ELOVL5: variants seen among roughly 807,000 people sequenced by gnomAD.
The protein encoded by ELOVL5 is very long chain fatty acid elongase 5.
In ELOVL5, 8 loss-of-function variants were observed where a neutral mutation model predicts 38.6. The ratio of observed to expected loss-of-function variants is 0.21; its 90% CI spans 0.12 to 0.37. The LOEUF (loss-of-function observed/expected upper bound fraction) is 0.37, where lower values mean the gene tolerates loss of function less well. Among genes scored for constraint, ELOVL5 ranks in the 10% least tolerant of loss-of-function variants. The probability of loss-of-function intolerance (pLI) is 1.00; values close to 1 mark genes in which losing one functional copy is unlikely to be tolerated. For synonymous variants in ELOVL5, 127 were observed against 133.7 expected (o/e 0.95, Z 0.34); for missense variants, 280 against 367.8 (o/e 0.76, Z 1.95).
intron 5 of ELOVL5, among the ~76,000 whole-genome samples, chr6:53,274,558 A>AG (rs1236715558): frequency 2.6e-5 from 4 of 152,226 alleles, no homozygotes; most frequent in Non-Finnish European, 5.9e-5. Flanking sequence ...TTGGACTACA[A>AG]GCTTTCCAAA....
At chr6:53,322,717 A>G (rs1228921491) in intron 1 of ELOVL5, among the ~76,000 whole-genome samples, 1 of 152,232 alleles carries the variant, frequency 6.6e-6, no homozygotes, top group Non-Finnish European at 1.5e-5. Flanking sequence ...ACACTGAAAA[A>G]GAAGACTCCA....
chr6:53,344,884 G>A (rs1463666407), intron 1 of ELOVL5, among the ~76,000 whole-genome samples: 2 of 152,172 alleles, frequency 1.3e-5, no homozygotes, highest in Non-Finnish European at 2.9e-5. Flanking sequence ...TATCAACTAA[G>A]AGTCCTTTAC....
chr6:53,275,623 C>G (rs1766081862), intron 4 of ELOVL5, among the ~76,000 whole-genome samples: 1 of 148,836 alleles, frequency 6.7e-6, no homozygotes, highest in Non-Finnish European at 1.5e-5. Context: ...GGAAAACCAT[C>G]TGAAAAACGC....
chr6:53,286,716 G>A (rs899909291), intron 3 of ELOVL5, among the ~76,000 whole-genome samples: 9 of 152,004 alleles, frequency 5.9e-5, no homozygotes, highest in African/African-American at 1.9e-4. Flanking sequence ...TATAATTAAT[G>A]AATTACATCT....
chr6:53,337,859 G>A (rs971017342), intron 1 of ELOVL5, among the ~76,000 whole-genome samples: 1 of 152,208 alleles, frequency 6.6e-6, no homozygotes, highest in African/African-American at 2.4e-5. Flanking sequence ...AGGACAGAGA[G>A]TATGAATGAG....
intron 1 of ELOVL5, among the ~76,000 whole-genome samples, chr6:53,340,392 A>T (rs1287351314): frequency 6.6e-6 from 1 of 152,102 alleles, no homozygotes; most frequent in Non-Finnish European, 1.5e-5. Context: ...CTAATCAAAA[A>T]ATATTTTTTA....
intron 1 of ELOVL5, among the ~76,000 whole-genome samples, chr6:53,338,880 A>G (rs1769199255): frequency 1.3e-5 from 2 of 152,256 alleles, no homozygotes; most frequent in Non-Finnish European, 2.9e-5. Context: ...CAAAGTATAC[A>G]AAGGCAGTGA....
chr6:53,291,869 T>C lies in ELOVL5; in HGVS notation c.153A>G (p.Lys51=). 1 of 1,613,758 alleles carries C rather than the reference T, an allele frequency of 6.2e-7. No homozygotes were observed. The highest frequency in any genetic ancestry group is 2.2e-5 in the East Asian group (1 of 44,868). Residue 51 remains lysine (K), a synonymous_variant, in exon 3 of 8, where the codon AAA becomes AAG. Coordinates refer to ENST00000304434, the MANE Select transcript of ELOVL5 (RefSeq NM_021814.5). ...IYLLIVWLGP[K]YMRNKQPFSC... ...AGAATGGCTGTTTATTCCTCATGTA[T>C]TTTGGTCCCAGCCATACAATTAGTA... is the stretch of plus-strand genomic sequence containing the variant.
Position 53,276,174 on chromosome 6 carries a change from A to G in ELOVL5, c.324+5T>C, listed in dbSNP as rs746883669. 6.3e-7 allele frequency: 1 copy of G among 1,598,716 alleles called. No individual in the cohort carries two copies. The highest frequency in any genetic ancestry group is 8.6e-7 in the Non-Finnish European group (1 of 1,167,908). On this transcript the variant is annotated splice_donor_5th_base_variant and intron_variant, in intron 4 of 7. Transcript: ENST00000304434. ...ATAATAAAGTTTCTGAAAAAGAGACAGTACCTTCATATCTGATTCTCCTGC... is the reference window on the plus strand; with the variant it reads ...ATAATAAAGTTTCTGAAAAAGAGACGGTACCTTCATATCTGATTCTCCTGC...
chr6:53,292,087 G>A lies in ELOVL5; in HGVS notation c.59-124C>T, dbSNP rs143010748. 1,372 of 556,842 alleles carry A rather than the reference G, an allele frequency of 2.5e-3. 12 individuals are homozygous for A. The highest frequency in any genetic ancestry group is 0.02 in the East Asian group (673 of 33,264). The allele number at this position is 556,842 out of a possible 1,614,324, so 34.5% of individuals were successfully genotyped here. On this transcript the variant is annotated intron_variant, in intron 2 of 7. Coordinates refer to ENST00000304434, the MANE Select transcript of ELOVL5 (RefSeq NM_021814.5). ...TATTCATGTTCTTAATTCCAATAAAGCAATCAGGAGAGGAGGCATGGATTT... is the reference window on the plus strand; with the variant it reads ...TATTCATGTTCTTAATTCCAATAAAACAATCAGGAGAGGAGGCATGGATTT...
Position 53,269,269 on chromosome 6 carries a change from G to T in ELOVL5, c.758C>A (p.Thr253Asn), listed in dbSNP as rs755812727. The change falls in exon 8 of 8, where the codon ACC becomes AAC. Residue 253 changes from threonine to asparagine, a missense_variant and splice_region_variant. By Grantham distance (65) the Thr-to-Asn change is moderately conservative. This residue lies in a region of ELOVL5 where 125 missense variants were observed against 158.9 expected (regional missense o/e 0.79). Coordinates refer to ENST00000304434, the MANE Select transcript of ELOVL5 (RefSeq NM_021814.5). ...TCGGGAGGCCCCTTTCTTGTTGTAG[G>T]TCTAAAATGTGTAAGGGCAGATGAG... Reference protein sequence around the residue: ...IALFTNFYIQTYNKKGASRRK... With the variant: ...IALFTNFYIQNYNKKGASRRK... 1.2e-6 allele frequency: 2 copies of T among 1,607,438 alleles called. 1 individual carries two copies. Among genetic ancestry groups the T allele is most frequent in the South Asian group, 2.2e-5 (2 of 90,050 alleles).
intron 1 of ELOVL5, among the ~76,000 whole-genome samples, chr6:53,329,210 C>A (rs143561047): frequency 2.9e-4 from 44 of 152,230 alleles, no homozygotes; most frequent in African/African-American, 1.0e-3. Context: ...GCTACTGCTA[C>A]TGCTACTGCT....
chr6:53,305,275 G>A (rs1561877407), intron 1 of ELOVL5, among the ~76,000 whole-genome samples: 1 of 145,512 alleles, frequency 6.9e-6, no homozygotes, highest in Non-Finnish European at 1.5e-5. Context: ...AGTAGGGGCG[G>A]CCGGGCAGAG....
At chr6:53,311,488 C>A (rs1320801047) in intron 1 of ELOVL5, among the ~76,000 whole-genome samples, 3 of 152,088 alleles carry the variant, frequency 2.0e-5, no homozygotes, top group African/African-American at 7.2e-5. Flanking sequence ...TAGGTATATA[C>A]CCAAAGAAAT....
At chr6:53,321,540 G>A (rs1473462765) in intron 1 of ELOVL5, among the ~76,000 whole-genome samples, 2 of 152,096 alleles carry the variant, frequency 1.3e-5, no homozygotes, top group African/African-American at 4.8e-5. Flanking sequence ...CCAGAAATTG[G>A]CCAATTAGGT....
chr6:53,304,400 CA>C (rs1303835588), intron 1 of ELOVL5, among the ~76,000 whole-genome samples: 2 of 151,710 alleles, frequency 1.3e-5, no homozygotes, highest in Admixed American at 6.7e-5. Context: ...AAAACAGAAA[CA>C]AAAAATGCAT....
chr6:53,339,885 A>G (rs1160268025), intron 1 of ELOVL5, among the ~76,000 whole-genome samples: 1 of 152,216 alleles, frequency 6.6e-6, no homozygotes, highest in Non-Finnish European at 1.5e-5. Context: ...TTCCAGAAGA[A>G]GGCATTGTTG....
chr6:53,312,221 CTT>C (rs1015623358), intron 1 of ELOVL5, among the ~76,000 whole-genome samples: 10 of 152,174 alleles, frequency 6.6e-5, no homozygotes, highest in Non-Finnish European at 1.2e-4. Flanking sequence ...GAAATGAAAA[CTT>C]TATGTTCATA....
intron 2 of ELOVL5, among the ~76,000 whole-genome samples, chr6:53,292,739 T>C (rs933314490): frequency 1.3e-5 from 2 of 152,150 alleles, no homozygotes; most frequent in Admixed American, 1.3e-4. Context: ...TGCAGTGAGC[T>C]GAGATCGTAC....
Sources: allele counts gnomAD v4.1 joint callset (sites outside exome capture counted in the v4.1 genomes callset), GRCh38; gene constraint gnomAD v4.1.1; regional missense constraint gnomAD v4.1.1; transcripts MANE v1.5; gene names NCBI Gene and HGNC (gene_info 2026-07-23, HGNC 2026-07-21).